Variants in FRMPD4 observed in about 807,000 individuals in gnomAD.
FRMPD4 encodes the protein FERM and PDZ domain-containing protein 4.
FRMPD4 carries 22 observed loss-of-function variants against 94.1 expected under a neutral mutation model. The ratio of observed to expected loss-of-function variants is 0.23; its 90% CI spans 0.17 to 0.33. FRMPD4 has a LOEUF of 0.33. Among genes scored for constraint, FRMPD4 ranks in the 10% least tolerant of loss-of-function variants. The pLI, the probability that FRMPD4 is intolerant of heterozygous loss-of-function variation, is 1.00. For synonymous variants in FRMPD4, 631 were observed against 548.6 expected, an observed-to-expected ratio of 1.15 and a Z score of -2.10; for missense variants, 1,111 against 1,339.9, an observed-to-expected ratio of 0.83 and a Z score of 2.67.
At chrX:12,382,820 A>ATTGT (rs113816617) in intron 1 of FRMPD4, among the ~76,000 whole-genome samples, 3,246 of 112,005 alleles carry the variant, frequency 0.029, 123 homozygotes, top group African/African-American at 0.099. Context: ...ATATGTGTTA[A>ATTGT]TTGTTTGTTA....
At chrX:12,582,885 T>G (rs1403707233) in intron 2 of FRMPD4, among the ~76,000 whole-genome samples, 1 of 112,084 alleles carries the variant, frequency 8.9e-6, no homozygotes, top group Admixed American at 9.4e-5. Context: ...CACAAAACAC[T>G]GACAGCATCT....
chrX:11,827,087 A>ATATATATATATATATATAT (rs58743575), intron 1 of FRMPD4, among the ~76,000 whole-genome samples: 9 of 83,274 alleles, frequency 1.1e-4, no homozygotes, highest in East Asian at 8.1e-4. Context: ...TATATATATA[A>ATATATATATATATATATAT]AATATATATG....
At chrX:11,991,074 C>G (rs1033694091) in intron 3 of FRMPD4, among the ~76,000 whole-genome samples, 4 of 111,984 alleles carry the variant, frequency 3.6e-5, no homozygotes, top group African/African-American at 1.3e-4. Context: ...TGGTCATTTA[C>G]TAAATCATTC....
intron 1 of FRMPD4, among the ~76,000 whole-genome samples, chrX:12,215,359 C>G (rs2056796231): frequency 9.0e-6 from 1 of 111,048 alleles, no homozygotes; most frequent in Non-Finnish European, 1.9e-5. Flanking sequence ...GGTAGCAGTG[C>G]TAATGTTCTC....
chrX:12,397,148 A>G (rs749197168), intron 1 of FRMPD4, among the ~76,000 whole-genome samples: 1 of 111,247 alleles, frequency 9.0e-6, no homozygotes, highest in African/African-American at 3.3e-5. Context: ...GCATCATCCT[A>G]AAGAAGGGGT....
chrX:11,945,407 C>G (rs2054183425), intron 3 of FRMPD4, among the ~76,000 whole-genome samples: 1 of 111,575 alleles, frequency 9.0e-6, no homozygotes, highest in Non-Finnish European at 1.9e-5. Context: ...TCATAACAAA[C>G]CTGTGATGGA....
intron 7 of FRMPD4, among the ~76,000 whole-genome samples, chrX:12,688,518 G>C (rs138901497): frequency 0.025 from 2,830 of 111,665 alleles, 47 homozygotes; most frequent in Non-Finnish European, 0.036. Flanking sequence ...TGGCTGGTAG[G>C]TGTAAAGGAG....
intron 4 of FRMPD4, among the ~76,000 whole-genome samples, chrX:12,648,175 C>T (rs1022065946): frequency 1.8e-5 from 2 of 111,688 alleles, no homozygotes; most frequent in Admixed American, 1.9e-4. Flanking sequence ...GAGTGATTCT[C>T]ACTAGAATTA....
rs200118932 is a variant in FRMPD4, at chrX:12,554,009, A to G, written c.158+55213A>G. Among the ~76,000 whole-genome samples, 4 of 111,665 alleles carry G rather than the reference A, an allele frequency of 3.6e-5. No homozygotes were observed. In the East Asian group the frequency reaches 1.1e-3, roughly 31 times the overall value. On this transcript the variant is annotated intron_variant, in intron 2 of 16. Coordinates refer to ENST00000675598, the MANE Select transcript of FRMPD4 (RefSeq NM_001368397.1). ...TTGTTTTTAACTGTTAAATCACCCT[A>G]GTTCTACAAAGCGCAAGTCTTGCTG... is the stretch of plus-strand genomic sequence containing the variant.
At chrX:12,311,497 T>A (rs1044633354) in intron 1 of FRMPD4, among the ~76,000 whole-genome samples, 1 of 111,988 alleles carries the variant, frequency 8.9e-6, no homozygotes, top group African/African-American at 3.2e-5. Context: ...GAACTTCTTT[T>A]CTTCATGCAT....
chrX:12,169,617 A>G (rs747642162), intron 1 of FRMPD4, among the ~76,000 whole-genome samples: 5 of 111,942 alleles, frequency 4.5e-5, no homozygotes, highest in African/African-American at 9.7e-5. Flanking sequence ...ATAGTTGTAA[A>G]GGAGATTGTA....
At chrX:12,331,873 A>G (rs2055407262) in intron 1 of FRMPD4, among the ~76,000 whole-genome samples, 1 of 48,486 alleles carries the variant, frequency 2.1e-5, no homozygotes, top group Non-Finnish European at 3.1e-5. Flanking sequence ...ATATTTATAT[A>G]CTATATATAA....
chrX:12,554,470 A>C (rs987132819), intron 2 of FRMPD4, among the ~76,000 whole-genome samples: 7 of 112,424 alleles, frequency 6.2e-5, no homozygotes, highest in African/African-American at 2.3e-4. Context: ...TCAATTCAAT[A>C]AGTCACAACC....
intron 1 of FRMPD4, among the ~76,000 whole-genome samples, chrX:12,266,612 G>A (rs1014430971): frequency 8.9e-5 from 10 of 111,848 alleles, no homozygotes; most frequent in African/African-American, 3.2e-4. Flanking sequence ...TTCACAGTGG[G>A]ACAGCACAGC....
intron 4 of FRMPD4, among the ~76,000 whole-genome samples, chrX:12,639,849 C>G (rs1215096971): frequency 8.9e-6 from 1 of 111,772 alleles, no homozygotes; most frequent in Non-Finnish European, 1.9e-5. Flanking sequence ...CAGTAGATAG[C>G]AGAGCCCAGA....
chrX:12,439,960 A>G (rs937886942), intron 1 of FRMPD4, among the ~76,000 whole-genome samples: 1 of 112,064 alleles, frequency 8.9e-6, no homozygotes, highest in Non-Finnish European at 1.9e-5. Context: ...AGACAGTTAA[A>G]AGGTCTCAAA....
chrX:11,875,938 C>G (rs1006600847), intron 2 of FRMPD4, among the ~76,000 whole-genome samples: 2 of 95,866 alleles, frequency 2.1e-5, no homozygotes, highest in African/African-American at 7.8e-5. Context: ...TGCAGTGGCG[C>G]GATCTCGGCT....
At chrX:12,325,142 TTCCTA>T (rs1465599058) in intron 1 of FRMPD4, among the ~76,000 whole-genome samples, 1 of 112,637 alleles carries the variant, frequency 8.9e-6, no homozygotes, top group Non-Finnish European at 1.9e-5. Flanking sequence ...ATATGAAACT[TTCCTA>T]TACTATTTTT....
At chrX:12,584,140 G>A (rs1305194745) in intron 2 of FRMPD4, among the ~76,000 whole-genome samples, 2 of 112,185 alleles carry the variant, frequency 1.8e-5, no homozygotes, top group African/African-American at 3.2e-5. Flanking sequence ...GAACCTACCC[G>A]GATTTTAAAG....
Sources: allele counts gnomAD v4.1 joint callset (sites outside exome capture counted in the v4.1 genomes callset), GRCh38; gene constraint gnomAD v4.1.1; transcripts MANE v1.5; gene names NCBI Gene and HGNC (gene_info 2026-07-23, HGNC 2026-07-21).